The following ROBO1 variants were observed in gnomAD, a reference collection of about 807,000 sequenced individuals.
ROBO1 encodes the protein roundabout homolog 1.
In ROBO1, 149 loss-of-function variants were observed where a neutral mutation model predicts 195.9. That is an observed-to-expected ratio of 0.76 (90% confidence interval 0.67 to 0.87). The LOEUF is 0.87. Ranked by LOEUF, ROBO1 falls within the 40% of genes least tolerant of loss-of-function variation. The pLI is 0.00. For missense variants in ROBO1, 1,933 were observed against 2,068.3 expected, an observed-to-expected ratio of 0.93 and a Z score of 1.27; for synonymous variants, 816 against 733.2, an observed-to-expected ratio of 1.11 and a Z score of -1.82.
At chr3:79,040,657 G>C (rs1258794208) in intron 3 of ROBO1, among the ~76,000 whole-genome samples, 2 of 151,934 alleles carry the variant, frequency 1.3e-5, no homozygotes, top group Non-Finnish European at 2.9e-5. Context: ...TGTATCTGCT[G>C]TTGTTATTAG....
intron 2 of ROBO1, among the ~76,000 whole-genome samples, chr3:79,351,874 G>A (rs984019656): frequency 6.6e-6 from 1 of 151,988 alleles, no homozygotes; most frequent in Non-Finnish European, 1.5e-5. Context: ...ATGTCTGTAC[G>A]AGTTCCCATG....
chr3:79,434,616 G>A (rs940480202), intron 2 of ROBO1, among the ~76,000 whole-genome samples: 13 of 152,116 alleles, frequency 8.5e-5, no homozygotes, highest in African/African-American at 2.2e-4. Context: ...CTGTTGGTGG[G>A]ACTGTAAACT....
chr3:79,315,188 T>A (rs2033677798), intron 2 of ROBO1, among the ~76,000 whole-genome samples: 1 of 152,144 alleles, frequency 6.6e-6, no homozygotes, highest in Non-Finnish European at 1.5e-5. Context: ...ATACCTGTAA[T>A]CCCAGAACTT....
intron 8 of ROBO1, among the ~76,000 whole-genome samples, chr3:78,691,566 A>G (rs1353356798): frequency 6.6e-6 from 1 of 152,312 alleles, no homozygotes; most frequent in East Asian, 1.9e-4. Context: ...TGGTAATGTC[A>G]ACATCCTTCT....
chr3:78,685,655 T>C, intron 10 of ROBO1, 91 bp downstream of exon 10: 1 of 810,284 alleles, frequency 1.2e-6, no homozygotes, highest in African/African-American at 1.7e-5. Flanking sequence ...CATAAAAAGG[T>C]ATAAAGTTGG....
intron 1 of ROBO1, among the ~76,000 whole-genome samples, chr3:79,599,084 C>T (rs1185571400): frequency 6.6e-6 from 1 of 152,026 alleles, no homozygotes; most frequent in East Asian, 1.9e-4. Flanking sequence ...TTAGGTTTTA[C>T]TGTATTATCA....
intron 2 of ROBO1, among the ~76,000 whole-genome samples, chr3:79,560,634 A>G (rs1942883663): frequency 6.7e-6 from 1 of 150,370 alleles, no homozygotes. Context: ...TAGTCATCCG[A>G]GACCTAGTGG....
intron 4 of ROBO1, among the ~76,000 whole-genome samples, chr3:78,890,452 C>A (rs567749684): frequency 6.6e-6 from 1 of 152,040 alleles, no homozygotes; most frequent in Non-Finnish European, 1.5e-5. Context: ...AATCTGACCA[C>A]GCTGGAACCC....
chr3:79,188,885 G>A (rs938092454), intron 2 of ROBO1, among the ~76,000 whole-genome samples: 38 of 151,660 alleles, frequency 2.5e-4, no homozygotes, highest in African/African-American at 9.2e-4. Context: ...ATGCCTTTGG[G>A]GTATGATTAG....
At chr3:78,673,013 T>C (rs1708155567) in intron 10 of ROBO1, among the ~76,000 whole-genome samples, 1 of 152,228 alleles carries the variant, frequency 6.6e-6, no homozygotes. Context: ...ACTGAACATG[T>C]AAGTGTAGCT....
intron 8 of ROBO1, among the ~76,000 whole-genome samples, chr3:78,698,056 C>T (rs1325081855): frequency 6.6e-6 from 1 of 152,116 alleles, no homozygotes; most frequent in Non-Finnish European, 1.5e-5. Context: ...TCCCCATTCT[C>T]ATCTACAGTA....
intron 1 of ROBO1, among the ~76,000 whole-genome samples, chr3:79,626,950 G>A (rs1945198529): frequency 6.6e-6 from 1 of 152,140 alleles, no homozygotes; most frequent in African/African-American, 2.4e-5. Flanking sequence ...AACAAGGGAT[G>A]TGAAGGACCT....
rs571709702 is a variant in ROBO1, at chr3:79,285,071, T to C, written c.89-159532A>G. Among the ~76,000 whole-genome samples the C allele has an allele frequency of 4.6e-5, 7 of 152,346 alleles. No individual in the cohort carries two copies. In the South Asian group the frequency reaches 1.0e-3, roughly 23 times the overall value. On this transcript the variant is annotated intron_variant, in intron 2 of 30. Coordinates refer to ENST00000464233, the MANE Select transcript of ROBO1 (RefSeq NM_002941.4). ...TTGATTTTTATAATTATATTAGGTTTTGTTGAATAACTTAACATATTGATA... is the reference window on the plus strand; with the variant it reads ...TTGATTTTTATAATTATATTAGGTTCTGTTGAATAACTTAACATATTGATA...
chr3:79,031,423 T>A (rs908159852), intron 3 of ROBO1, among the ~76,000 whole-genome samples: 4 of 152,212 alleles, frequency 2.6e-5, no homozygotes, highest in Admixed American at 6.5e-5. Context: ...TAAAAGTTAG[T>A]TTACTTAAAC....
intron 3 of ROBO1, among the ~76,000 whole-genome samples, chr3:78,971,389 G>A (rs1402859790): frequency 1.3e-5 from 2 of 152,088 alleles, no homozygotes; most frequent in East Asian, 3.9e-4. Context: ...GCAAGACCCT[G>A]TCTCAAAAAA....
At chr3:79,018,408 T>C in intron 3 of ROBO1, 2 of 1,613,844 alleles carry the variant, frequency 1.2e-6, no homozygotes, top group Non-Finnish European at 1.7e-6. Context: ...CGGGGTTACC[T>C]GAACAGAGAC....
chr3:79,075,021 A>T (rs2108446261), intron 3 of ROBO1, among the ~76,000 whole-genome samples: 1 of 152,064 alleles, frequency 6.6e-6, no homozygotes, highest in East Asian at 1.9e-4. Flanking sequence ...TTAATATGGA[A>T]TAACTATCCA....
chr3:78,944,979 T>C (rs1008046534), intron 3 of ROBO1, among the ~76,000 whole-genome samples: 4 of 152,252 alleles, frequency 2.6e-5, no homozygotes, highest in Admixed American at 2.0e-4. Flanking sequence ...GTGCCCGCCA[T>C]TGCCGAGTTA....
intron 2 of ROBO1, among the ~76,000 whole-genome samples, chr3:79,183,038 G>A (rs535500482): frequency 3.1e-4 from 45 of 144,092 alleles, no homozygotes; most frequent in African/African-American, 1.2e-3. Context: ...CCGAGATCGC[G>A]CCGCTGCACT....
Sources: allele counts gnomAD v4.1 joint callset (sites outside exome capture counted in the v4.1 genomes callset), GRCh38; gene constraint gnomAD v4.1.1; transcripts MANE v1.5; gene names NCBI Gene and HGNC (gene_info 2026-07-23, HGNC 2026-07-21).